Variants in KIF6 observed in about 807,000 individuals in gnomAD.
KIF6 encodes the protein kinesin family member 6.
In KIF6, 106 loss-of-function variants were observed where a neutral mutation model predicts 112.7. That is an observed-to-expected ratio of 0.94 (90% CI 0.80 to 1.11). The LOEUF (loss-of-function observed/expected upper bound fraction) is 1.11, where lower values mean the gene tolerates loss of function less well. Among genes scored for constraint, KIF6 ranks in the 50% least tolerant of loss-of-function variants. The pLI, the probability that KIF6 is intolerant of heterozygous loss-of-function variation, is 0.00. For synonymous variants in KIF6, 339 were observed against 339.9 expected, an observed-to-expected ratio of 1.00 and a Z score of 0.03; for missense variants, 929 against 964.0, an observed-to-expected ratio of 0.96 and a Z score of 0.48.
rs1562097064 is a variant in KIF6, at chr6:39,331,611, C to T, written c.*4921G>A. ...TGTTGGCCAGGTTGGTCTCAAACTC[C>T]TGACCTCGTGATCCGCCAGCCTCAG... is the stretch of plus-strand genomic sequence containing the variant. On this transcript the variant is annotated 3_prime_UTR_variant, in exon 23 of 23. Coordinates refer to ENST00000287152, the MANE Select transcript of KIF6 (RefSeq NM_145027.6). 1 of 152,182 alleles carries T rather than the reference C, an allele frequency of 6.6e-6. No homozygotes were observed. The highest frequency in any genetic ancestry group is 1.5e-5 in the Non-Finnish European group (1 of 68,044). The allele number at this position is 152,182 out of a possible 1,614,324, so 9.4% of individuals were successfully genotyped here.
chr6:39,579,381 C>T (rs1781162030), intron 9 of KIF6, among the ~76,000 whole-genome samples: 1 of 152,092 alleles, frequency 6.6e-6, no homozygotes. Context: ...CTTCCTTGCT[C>T]AAATTATTTA....
intron 13 of KIF6, among the ~76,000 whole-genome samples, chr6:39,458,460 A>C (rs1376068671): frequency 6.8e-6 from 1 of 147,362 alleles, no homozygotes; most frequent in South Asian, 2.2e-4. Context: ...GAAAACTGGC[A>C]CAAGACAGGG....
Position 39,537,255 on chromosome 6 carries a change from A to G in KIF6, c.1645+2748T>C, listed in dbSNP as rs1377840578. ...AGAAGGAAATAAAGGGTACTCAATT[A>G]GGAAAAGAGGAAGTCAAATTGTCCC... On this transcript the variant is annotated intron_variant, in intron 13 of 22. Coordinates refer to ENST00000287152, the MANE Select transcript of KIF6 (RefSeq NM_145027.6). 2.6e-5 allele frequency among the ~76,000 whole-genome samples: 4 copies of G among 152,362 alleles called. No homozygotes were observed. The East Asian group carries it at 7.7e-4, about 29-fold the overall frequency.
In KIF6 at chr6:39,346,542, G is replaced by C. The variant is rs771168241; in HGVS notation, c.2181-16C>G. On this transcript the variant is annotated splice_polypyrimidine_tract_variant and intron_variant, in intron 19 of 22. Coordinates refer to ENST00000287152, the MANE Select transcript of KIF6 (RefSeq NM_145027.6). ...GCCTCCAGAACTGTGAAAAATAAACGTTTGTTGTTTGAGCCACTCAGTCTA... is the reference window on the plus strand; with the variant it reads ...GCCTCCAGAACTGTGAAAAATAAACCTTTGTTGTTTGAGCCACTCAGTCTA... 2.9e-6 allele frequency: 2 copies of C among 700,672 alleles called. No individual in the cohort carries two copies. The highest frequency in any genetic ancestry group is 5.2e-6 in the Non-Finnish European group (2 of 382,336). 43.4% of individuals were successfully genotyped at this position (700,672 alleles called of 1,614,324 possible). A position where few individuals can be genotyped will look rare whatever the true frequency, so the allele number is the denominator to read the frequency against.
chr6:39,723,921 GA>G (rs1023297069), intron 1 of KIF6, among the ~76,000 whole-genome samples: 27 of 149,612 alleles, frequency 1.8e-4, no homozygotes, highest in African/African-American at 3.9e-4. Context: ...TTCTAAAATT[GA>G]AAAAAAAAAT....
intron 13 of KIF6, among the ~76,000 whole-genome samples, chr6:39,533,481 G>A (rs1285098300): frequency 6.6e-6 from 1 of 152,228 alleles, no homozygotes; most frequent in Non-Finnish European, 1.5e-5. Context: ...CATTGCCCAG[G>A]CTTGCTTAGG....
At chr6:39,617,113 C>T (rs1783563791) in intron 5 of KIF6, among the ~76,000 whole-genome samples, 2 of 152,088 alleles carry the variant, frequency 1.3e-5, no homozygotes, top group African/African-American at 4.8e-5. Context: ...GCTTTCCCTA[C>T]AAAATGTTTC....
At chr6:39,485,781 C>T (rs1007172494) in intron 13 of KIF6, among the ~76,000 whole-genome samples, 4 of 152,124 alleles carry the variant, frequency 2.6e-5, no homozygotes, top group African/African-American at 9.7e-5. Flanking sequence ...AAGAATGTGC[C>T]AACACAGGAA....
chr6:39,662,116 G>A (rs554065194), intron 3 of KIF6, among the ~76,000 whole-genome samples: 1 of 152,098 alleles, frequency 6.6e-6, no homozygotes, highest in Admixed American at 6.6e-5. Flanking sequence ...TAAAGAGTTT[G>A]AAATACTTAA....
At chr6:39,357,747 C>A (rs1050345947) in intron 18 of KIF6, among the ~76,000 whole-genome samples, 15 of 152,100 alleles carry the variant, frequency 9.9e-5, no homozygotes, top group African/African-American at 3.1e-4. Flanking sequence ...CCATACCCGG[C>A]CTTGATGTAA....
chr6:39,562,672 T>C (rs995411301), intron 10 of KIF6, among the ~76,000 whole-genome samples: 9 of 152,184 alleles, frequency 5.9e-5, no homozygotes, highest in Admixed American at 3.9e-4. Flanking sequence ...CTGAATGTTA[T>C]TTGCCTCATG....
chr6:39,384,790 A>G (rs141904984), intron 16 of KIF6, among the ~76,000 whole-genome samples: 161 of 152,258 alleles, frequency 1.1e-3, no homozygotes, highest in African/African-American at 3.7e-3. Flanking sequence ...TTATTTAATC[A>G]AAGTTCTCCA....
chr6:39,518,601 A>G (rs1232900117), intron 13 of KIF6, among the ~76,000 whole-genome samples: 1 of 152,194 alleles, frequency 6.6e-6, no homozygotes, highest in African/African-American at 2.4e-5. Flanking sequence ...TGTGATCACA[A>G]ATATATATTT....
intron 3 of KIF6, among the ~76,000 whole-genome samples, chr6:39,683,555 G>A (rs1049766633): frequency 6.6e-6 from 1 of 152,174 alleles, no homozygotes; most frequent in African/African-American, 2.4e-5. Context: ...GTTCTGGGGA[G>A]AGATCAGAGC....
chr6:39,606,480 T>C (rs941285099), intron 6 of KIF6, among the ~76,000 whole-genome samples: 3 of 152,148 alleles, frequency 2.0e-5, no homozygotes, highest in African/African-American at 7.2e-5. Flanking sequence ...TCTTTGAACA[T>C]GACTATCCCT....
intron 21 of KIF6, among the ~76,000 whole-genome samples, chr6:39,344,947 T>C (rs1763593064): frequency 6.6e-6 from 1 of 152,174 alleles, no homozygotes; most frequent in Non-Finnish European, 1.5e-5. Flanking sequence ...GTAGAAGTGT[T>C]GTGTGGGAAT....
At chr6:39,393,755 A>C (rs1768057387) in intron 15 of KIF6, among the ~76,000 whole-genome samples, 1 of 152,170 alleles carries the variant, frequency 6.6e-6, no homozygotes, top group Non-Finnish European at 1.5e-5. Flanking sequence ...TATTTGGAAC[A>C]ACTACAGACA....
At position 39,499,405 on chromosome 6, in the gene KIF6, G is replaced by A. The variant is rs143084174; in HGVS notation, c.1645+40598C>T. On this transcript the variant is annotated intron_variant, in intron 13 of 22. Coordinates refer to ENST00000287152, the MANE Select transcript of KIF6 (RefSeq NM_145027.6). ...CAAAAGCATGAGCCAAAAATATGAAGATAAGAAAGAGCAAAATAGTTAGCC... is the reference window on the plus strand; with the variant it reads ...CAAAAGCATGAGCCAAAAATATGAAAATAAGAAAGAGCAAAATAGTTAGCC... Among the ~76,000 whole-genome samples the A allele has an allele frequency of 1.1e-3, 171 of 152,094 alleles. 2 individuals are homozygous for A. The highest frequency in any genetic ancestry group is 3.8e-3 in the African/African-American group (159 of 41,488).
intron 14 of KIF6, among the ~76,000 whole-genome samples, chr6:39,427,948 A>T (rs1770884755): frequency 6.6e-6 from 1 of 152,238 alleles, no homozygotes; most frequent in Non-Finnish European, 1.5e-5. Flanking sequence ...TGCCAACTTT[A>T]TAATAAGAAA....
Sources: gnomAD v4.1 joint callset for allele counts (sites outside exome capture counted in the v4.1 genomes callset) on GRCh38, gnomAD v4.1.1 for gene constraint, MANE v1.5 for transcripts, NCBI Gene and HGNC (gene_info 2026-07-23, HGNC 2026-07-21) for gene names.